Variants in NUDT3 observed in about 807,000 individuals in gnomAD.
NUDT3 encodes nudix hydrolase 3, also known as diphosphoinositol polyphosphate phosphohydrolase 1.
NUDT3 carries 9 observed loss-of-function variants against 23.6 expected under a neutral mutation model. The ratio of observed to expected loss-of-function variants is 0.38; its 90% CI spans 0.23 to 0.66. NUDT3 has a LOEUF of 0.66. Ranked by LOEUF, NUDT3 falls within the 30% of genes least tolerant of loss-of-function variation. The pLI is 0.52. For synonymous variants in NUDT3, 86 were observed against 82.6 expected (o/e 1.04, Z -0.22); for missense variants, 172 against 218.5 (o/e 0.79, Z 1.34).
intron 4 of NUDT3, among the ~76,000 whole-genome samples, chr6:34,290,171 C>T (rs1763396768): frequency 6.6e-6 from 1 of 152,088 alleles, no homozygotes; most frequent in South Asian, 2.1e-4. Context: ...AAAGAATGTG[C>T]TGCTGAATTT....
intron 2 of NUDT3, among the ~76,000 whole-genome samples, chr6:34,319,925 A>G (rs1763914777): frequency 6.6e-6 from 1 of 152,222 alleles, no homozygotes; most frequent in African/African-American, 2.4e-5. Context: ...AAGTGCTCCA[A>G]CATTATAACA....
At chr6:34,362,118 C>A (rs988598236) in intron 1 of NUDT3, among the ~76,000 whole-genome samples, 15 of 152,184 alleles carry the variant, frequency 9.9e-5, no homozygotes, top group Non-Finnish European at 1.8e-4. Context: ...GTACTTTACA[C>A]TCAATTTTGC....
rs558045710 is a variant in NUDT3 at position 34,371,820 on chromosome 6, T to A, written c.99+20444A>T. ...TGCAGGTTTGTTACATACGTATACATGTGCCATGTTGGTGTGCTGCACCCA... is the reference window on the plus strand; with the variant it reads ...TGCAGGTTTGTTACATACGTATACAAGTGCCATGTTGGTGTGCTGCACCCA... On this transcript the variant is annotated intron_variant, in intron 1 of 4. Transcript: ENST00000607016. Among the ~76,000 whole-genome samples, 8 of 152,334 alleles carry A rather than the reference T, an allele frequency of 5.3e-5. No individual in the cohort carries two copies. In the South Asian group the frequency reaches 1.4e-3, roughly 28 times the overall value.
intron 1 of NUDT3, among the ~76,000 whole-genome samples, chr6:34,366,614 G>A (rs1477162342): frequency 1.3e-5 from 2 of 151,950 alleles, no homozygotes; most frequent in Non-Finnish European, 2.9e-5. Flanking sequence ...CTGGAGTACA[G>A]TGGCATGATC....
At chr6:34,351,226 A>AAAAAAAAAAAAAAAAAAAAAAAAC (rs1554154786) in intron 1 of NUDT3, among the ~76,000 whole-genome samples, 1 of 133,976 alleles carries the variant, frequency 7.5e-6, no homozygotes, top group African/African-American at 3.1e-5. Flanking sequence ...AAAAAAAAAA[A>AAAAAAAAAAAAAAAAAAAAAAAAC]CACTTTGGGA....
At chr6:34,322,830 T>C (rs1050924568) in intron 2 of NUDT3, among the ~76,000 whole-genome samples, 2 of 152,154 alleles carry the variant, frequency 1.3e-5, no homozygotes, top group Non-Finnish European at 2.9e-5. Flanking sequence ...CTATTCACAA[T>C]AGCAAAGAGG....
chr6:34,367,045 T>C (rs1764746184), intron 1 of NUDT3, among the ~76,000 whole-genome samples: 1 of 152,032 alleles, frequency 6.6e-6, no homozygotes, highest in Non-Finnish European at 1.5e-5. Context: ...GGTGAGCACA[T>C]ACCTGGCTAA....
At chr6:34,312,099 C>T (rs143568970) in intron 2 of NUDT3, among the ~76,000 whole-genome samples, 119 of 152,156 alleles carry the variant, frequency 7.8e-4, no homozygotes, top group African/African-American at 2.8e-3. Context: ...TAGAAAACAC[C>T]TATTAGGATA....
At chr6:34,372,314 G>A (rs1764844936) in intron 1 of NUDT3, among the ~76,000 whole-genome samples, 1 of 152,160 alleles carries the variant, frequency 6.6e-6, no homozygotes. Flanking sequence ...TTGAGGAATT[G>A]CCACACTGTC....
At chr6:34,354,735 GTATA>G (rs142735114) in intron 1 of NUDT3, among the ~76,000 whole-genome samples, 1 of 120,694 alleles carries the variant, frequency 8.3e-6, no homozygotes, top group African/African-American at 2.9e-5. Context: ...GGGGGAAAAA[GTATA>G]TATATATATA....
At chr6:34,324,294 G>T (rs538996102) in intron 2 of NUDT3, among the ~76,000 whole-genome samples, 1 of 151,706 alleles carries the variant, frequency 6.6e-6, no homozygotes, top group East Asian at 1.9e-4. Context: ...GGCAGAGGTT[G>T]CAGTGAGCTG....
intron 1 of NUDT3, among the ~76,000 whole-genome samples, chr6:34,391,743 A>T (rs1452157807): frequency 1.3e-5 from 2 of 151,628 alleles, no homozygotes; most frequent in Non-Finnish European, 2.9e-5. Context: ...TCTTCCGAAG[A>T]CACCCCACCC....
chr6:34,388,463 T>C (rs1333025428), intron 1 of NUDT3, among the ~76,000 whole-genome samples: 1 of 152,228 alleles, frequency 6.6e-6, no homozygotes, highest in East Asian at 1.9e-4. Context: ...TTAATTGGGT[T>C]GAATGCCTTA....
chr6:34,334,486 G>C (rs206935), intron 2 of NUDT3, among the ~76,000 whole-genome samples: 2 of 151,766 alleles, frequency 1.3e-5, no homozygotes, highest in Non-Finnish European at 2.9e-5. Flanking sequence ...CTAAAAATAC[G>C]AAACTAGCCG....
intron 1 of NUDT3, among the ~76,000 whole-genome samples, chr6:34,386,900 G>A (rs1303430100): frequency 6.6e-6 from 1 of 152,182 alleles, no homozygotes; most frequent in Non-Finnish European, 1.5e-5. Context: ...GATTGCCTTA[G>A]TCCAGGAGTT....
chr6:34,371,135 T>C (rs1764820761), intron 1 of NUDT3, among the ~76,000 whole-genome samples: 1 of 149,484 alleles, frequency 6.7e-6, no homozygotes, highest in Non-Finnish European at 1.5e-5. Context: ...AAAAGTCTAA[T>C]ACCGCTTTGC....
chr6:34,327,002 CG>C (rs1257351218), intron 2 of NUDT3, among the ~76,000 whole-genome samples: 1 of 151,840 alleles, frequency 6.6e-6, no homozygotes, highest in African/African-American at 2.4e-5. Context: ...CAGCTGGGCC[CG>C]GGGGGACTAC....
chr6:34,281,883 T>C lies in NUDT3; in HGVS notation c.*6870A>G, dbSNP rs1408148699. On this transcript the variant is annotated 3_prime_UTR_variant, in exon 5 of 5. Transcript: ENST00000607016. The stretch of plus-strand genomic sequence containing the variant: ...TTTCTGTCTGTGAGCTATAGCTCCC[T>C]TCTGAACTCCCTCATGTTCTTGGGA... 1 of 152,216 alleles carries C rather than the reference T, an allele frequency of 6.6e-6. No individual in the cohort carries two copies. The highest frequency in any genetic ancestry group is 2.4e-5 in the African/African-American group (1 of 41,462). The allele number at this position is 152,216 out of a possible 1,614,324, so 9.4% of individuals were successfully genotyped here.
intron 2 of NUDT3, among the ~76,000 whole-genome samples, chr6:34,317,734 A>T (rs1001761570): frequency 6.6e-6 from 1 of 152,208 alleles, no homozygotes; most frequent in Non-Finnish European, 1.5e-5. Flanking sequence ...TCATTTTTCA[A>T]TACATAAAAG....
Sources: allele counts gnomAD v4.1 joint callset (sites outside exome capture counted in the v4.1 genomes callset), GRCh38; gene constraint gnomAD v4.1.1; transcripts MANE v1.5; gene names NCBI Gene and HGNC (gene_info 2026-07-23, HGNC 2026-07-21).